The following MARCHF1 variants were observed in gnomAD, a reference collection of about 807,000 sequenced individuals.
MARCHF1 encodes E3 ubiquitin-protein ligase MARCHF1.
MARCHF1 carries 40 observed loss-of-function variants against 54.2 expected under a neutral mutation model. The ratio of observed to expected loss-of-function variants is 0.74; its 90% CI spans 0.57 to 0.96. The LOEUF (loss-of-function observed/expected upper bound fraction) is 0.96, where lower values mean the gene tolerates loss of function less well. MARCHF1 is among the 40% of genes least tolerant of loss of function. The pLI, the probability that MARCHF1 is intolerant of heterozygous loss-of-function variation, is 0.00. For missense variants in MARCHF1, 586 were observed against 656.5 expected (o/e 0.89, Z 1.17); for synonymous variants, 236 against 236.3 (o/e 1.00, Z 0.01).
intron 2 of MARCHF1, among the ~76,000 whole-genome samples, chr4:164,031,693 G>T (rs1753881420): frequency 6.6e-6 from 1 of 152,060 alleles, no homozygotes; most frequent in Non-Finnish European, 1.5e-5. Context: ...ACTTGATTGT[G>T]GTGCATAAGC....
chr4:163,931,261 T>C (rs959012688), intron 3 of MARCHF1, among the ~76,000 whole-genome samples: 4 of 152,180 alleles, frequency 2.6e-5, no homozygotes, highest in African/African-American at 9.7e-5. Context: ...ATTTTTATTA[T>C]GGCAGCCTGA....
chr4:164,029,495 C>A (rs1356401778), intron 2 of MARCHF1, among the ~76,000 whole-genome samples: 1 of 151,948 alleles, frequency 6.6e-6, no homozygotes, highest in Non-Finnish European at 1.5e-5. Context: ...GAGATTTGAG[C>A]AGGGACACAG....
intron 4 of MARCHF1, 51 bp downstream of exon 4, chr4:163,853,970 G>A (rs1044006125): frequency 6.0e-6 from 9 of 1,491,462 alleles, no homozygotes; most frequent in African/African-American, 1.4e-5. Context: ...CATTTCTTTA[G>A]CATTCTATTT....
chr4:163,717,897 A>C (rs1745317145), intron 4 of MARCHF1, among the ~76,000 whole-genome samples: 1 of 152,156 alleles, frequency 6.6e-6, no homozygotes, highest in African/African-American at 2.4e-5. Context: ...CCTGACTTCA[A>C]ACTATGCTAC....
intron 2 of MARCHF1, among the ~76,000 whole-genome samples, chr4:164,104,381 A>G (rs1308050898): frequency 2.9e-5 from 2 of 67,988 alleles, no homozygotes; most frequent in African/African-American, 8.7e-5. Context: ...ATACTGGCAA[A>G]CCAAATCCAG....
chr4:163,622,323 A>T (rs1031512809), intron 5 of MARCHF1, among the ~76,000 whole-genome samples: 1 of 152,114 alleles, frequency 6.6e-6, no homozygotes, highest in Non-Finnish European at 1.5e-5. Flanking sequence ...AAAAACCTGG[A>T]GGGCAGAACT....
chr4:163,543,298 G>A (rs1407396140), intron 9 of MARCHF1, among the ~76,000 whole-genome samples: 1 of 152,006 alleles, frequency 6.6e-6, no homozygotes, highest in Non-Finnish European at 1.5e-5. Flanking sequence ...CCATAGGGAA[G>A]GAAAGAAATG....
At chr4:163,762,114 AT>A (rs754810723) in intron 4 of MARCHF1, among the ~76,000 whole-genome samples, 33 of 152,314 alleles carry the variant, frequency 2.2e-4, no homozygotes, top group East Asian at 1.7e-3. Context: ...GACTCTCTGT[AT>A]AATCCCAGGT....
chr4:164,102,677 C>T (rs1029615685), intron 2 of MARCHF1, among the ~76,000 whole-genome samples: 6 of 151,700 alleles, frequency 4.0e-5, no homozygotes, highest in Non-Finnish European at 8.8e-5. Flanking sequence ...AATGTAAAGA[C>T]CATCGAGACT....
intron 4 of MARCHF1, among the ~76,000 whole-genome samples, chr4:163,817,368 T>C (rs1316565675): frequency 1.3e-5 from 2 of 151,878 alleles, no homozygotes; most frequent in African/African-American, 4.8e-5. Flanking sequence ...CATACATACA[T>C]ATACATACAT....
chr4:163,570,620 T>C lies in MARCHF1; in HGVS notation c.1191+15129A>G, dbSNP rs566228942. ...GCAGAGTTATACGAACATTTCTACCTCACAGAGATTATACATTCTTGGCCT... is the reference window on the plus strand; with the variant it reads ...GCAGAGTTATACGAACATTTCTACCCCACAGAGATTATACATTCTTGGCCT... On this transcript the variant is annotated intron_variant, in intron 8 of 9. Transcript: ENST00000514618. Among the ~76,000 whole-genome samples the C allele has an allele frequency of 1.6e-3, 246 of 152,216 alleles. 1 individual carries two copies. The highest frequency in any genetic ancestry group is 5.5e-3 in the African/African-American group (230 of 41,550).
chr4:163,892,048 C>A (rs926047937), intron 3 of MARCHF1, among the ~76,000 whole-genome samples: 1 of 151,980 alleles, frequency 6.6e-6, no homozygotes, highest in Non-Finnish European at 1.5e-5. Flanking sequence ...AACCTCAGCT[C>A]ACTGACATTG....
At chr4:163,882,339 A>T (rs1416634039) in intron 3 of MARCHF1, among the ~76,000 whole-genome samples, 1 of 152,236 alleles carries the variant, frequency 6.6e-6, no homozygotes, top group East Asian at 1.9e-4. Flanking sequence ...GAAAGCTATC[A>T]TAAAGTCTTT....
rs182254086 is a variant in MARCHF1 at position 163,972,354 on chromosome 4, T to A, written c.-39+16147A>T. On this transcript the variant is annotated intron_variant, in intron 3 of 9. Transcript: ENST00000514618. ...CCAGAACTTAAAGTATAATAAAAAATTTTTTTAAAAATTGATCAAAACAGT... is the reference window on the plus strand; with the variant it reads ...CCAGAACTTAAAGTATAATAAAAAAATTTTTTAAAAATTGATCAAAACAGT... 7.9e-3 allele frequency among the ~76,000 whole-genome samples: 1,203 copies of A among 152,076 alleles called. 8 individuals are homozygous for A. The highest frequency in any genetic ancestry group is 0.011 in the Non-Finnish European group (739 of 67,932).
intron 1 of MARCHF1, among the ~76,000 whole-genome samples, chr4:164,162,697 G>A (rs1054570901): frequency 1.3e-5 from 2 of 152,038 alleles, no homozygotes; most frequent in African/African-American, 4.8e-5. Flanking sequence ...GGAAGACAAT[G>A]AAGTGGGGGA....
intron 3 of MARCHF1, among the ~76,000 whole-genome samples, chr4:163,893,147 A>T (rs190640413): frequency 0.031 from 4,652 of 151,222 alleles, 220 homozygotes; most frequent in East Asian, 0.18. Flanking sequence ...CTTTAAAAAA[A>T]ATTTTTTTTT....
chr4:164,327,667 A>G (rs114850151), intron 1 of MARCHF1, among the ~76,000 whole-genome samples: 2,591 of 152,342 alleles, frequency 0.017, 56 homozygotes, highest in African/African-American at 0.057. Flanking sequence ...ATGCCATCAC[A>G]GTAATTCAGG....
At chr4:164,243,058 G>C (rs1732824284) in intron 1 of MARCHF1, among the ~76,000 whole-genome samples, 1 of 125,874 alleles carries the variant, frequency 7.9e-6, no homozygotes, top group Non-Finnish European at 1.6e-5. Context: ...CACTCTGCAG[G>C]ATATTATCCA....
intron 1 of MARCHF1, among the ~76,000 whole-genome samples, chr4:164,129,534 T>C (rs1756257186): frequency 6.6e-6 from 1 of 152,288 alleles, no homozygotes; most frequent in South Asian, 2.1e-4. Context: ...AGGGATGGCA[T>C]AGTCTCAGAG....
Sources: gnomAD v4.1 joint callset for allele counts (sites outside exome capture counted in the v4.1 genomes callset) on GRCh38, gnomAD v4.1.1 for gene constraint, MANE v1.5 for transcripts, NCBI Gene and HGNC (gene_info 2026-07-23, HGNC 2026-07-21) for gene names.